MDGA2: variants seen among roughly 807,000 people sequenced by gnomAD.
MDGA2 encodes the protein MAM domain-containing glycosylphosphatidylinositol anchor protein 2.
Under a neutral mutation model 117.8 loss-of-function variants are expected in MDGA2, and 40 were observed. That is an observed-to-expected ratio of 0.34 (90% CI 0.26 to 0.44). The LOEUF (loss-of-function observed/expected upper bound fraction) is 0.44, where lower values mean the gene tolerates loss of function less well. Ranked by LOEUF, MDGA2 falls within the 20% of genes least tolerant of loss-of-function variation. The pLI, the probability that MDGA2 is intolerant of heterozygous loss-of-function variation, is 1.00. For missense variants in MDGA2, 1,123 were observed against 1,250.6 expected (o/e 0.90, Z 1.54); for synonymous variants, 452 against 439.0 (o/e 1.03, Z -0.37).
chr14:47,666,642 A>G (rs1897974487), intron 1 of MDGA2, among the ~76,000 whole-genome samples: 1 of 152,216 alleles, frequency 6.6e-6, no homozygotes, highest in South Asian at 2.1e-4. Context: ...ACAAATCAGC[A>G]GGATGTGGGT....
intron 2 of MDGA2, among the ~76,000 whole-genome samples, chr14:47,250,185 T>C (rs1388156362): frequency 6.6e-6 from 1 of 152,158 alleles, no homozygotes; most frequent in East Asian, 1.9e-4. Flanking sequence ...AACACCAGCA[T>C]GGAGCCATCT....
intron 6 of MDGA2, 70 bp downstream of exon 6, chr14:47,096,784 T>C (rs1360198573): frequency 4.8e-6 from 7 of 1,462,720 alleles, no homozygotes; most frequent in African/African-American, 4.2e-5. Context: ...TAATTTTATA[T>C]CAACCATTAT....
At chr14:47,184,243 TA>T (rs1884825221) in intron 3 of MDGA2, among the ~76,000 whole-genome samples, 1 of 151,982 alleles carries the variant, frequency 6.6e-6, no homozygotes, top group Non-Finnish European at 1.5e-5. Context: ...ATTCCTTAAT[TA>T]AAATGTATTA....
intron 2 of MDGA2, among the ~76,000 whole-genome samples, chr14:47,258,883 C>A (rs938550259): frequency 2.6e-5 from 4 of 151,204 alleles, no homozygotes; most frequent in African/African-American, 9.7e-5. Flanking sequence ...AATTTTAATT[C>A]CTGGAAATTC....
intron 1 of MDGA2, among the ~76,000 whole-genome samples, chr14:47,454,098 T>A (rs1330510966): frequency 1.3e-5 from 2 of 152,206 alleles, no homozygotes; most frequent in African/African-American, 2.4e-5. Flanking sequence ...CTACTAGAAT[T>A]GTGAAAACGG....
chr14:47,482,279 A>G (rs1893969939), intron 1 of MDGA2, among the ~76,000 whole-genome samples: 1 of 152,180 alleles, frequency 6.6e-6, no homozygotes, highest in African/African-American at 2.4e-5. Context: ...TTTCCCTAAT[A>G]TAAAAAAGGT....
At chr14:47,363,072 T>C (rs1405446074) in intron 1 of MDGA2, among the ~76,000 whole-genome samples, 1 of 152,136 alleles carries the variant, frequency 6.6e-6, no homozygotes, top group Admixed American at 6.6e-5. Flanking sequence ...TAGCTGAAGA[T>C]ATTAATGTCT....
intron 10 of MDGA2, among the ~76,000 whole-genome samples, chr14:46,893,572 C>T (rs929438864): frequency 4.6e-5 from 7 of 151,722 alleles, no homozygotes; most frequent in Non-Finnish European, 7.4e-5. Context: ...CGTTAATTTG[C>T]GAGACTGTAG....
chr14:47,227,328 C>T (rs1262658514), intron 2 of MDGA2, among the ~76,000 whole-genome samples: 1 of 152,120 alleles, frequency 6.6e-6, no homozygotes, highest in Non-Finnish European at 1.5e-5. Flanking sequence ...GCCCTGCTCC[C>T]GTGCCTCTAG....
At chr14:47,494,378 A>G (rs1894235635) in intron 1 of MDGA2, among the ~76,000 whole-genome samples, 1 of 152,130 alleles carries the variant, frequency 6.6e-6, no homozygotes, top group African/African-American at 2.4e-5. Context: ...TACTATTTTA[A>G]AATTAAGGCT....
chr14:47,585,869 T>C (rs1160878980), intron 1 of MDGA2, among the ~76,000 whole-genome samples: 1 of 151,850 alleles, frequency 6.6e-6, no homozygotes, highest in Admixed American at 6.6e-5. Context: ...CATTCAATCT[T>C]AGCAAAACAA....
intron 1 of MDGA2, among the ~76,000 whole-genome samples, chr14:47,415,691 A>C (rs2138495650): frequency 6.6e-6 from 1 of 152,296 alleles, no homozygotes; most frequent in African/African-American, 2.4e-5. Context: ...AAATATCCAA[A>C]GATTGGGTTA....
At chr14:47,180,451 C>T (rs929063029) in intron 3 of MDGA2, among the ~76,000 whole-genome samples, 7 of 152,092 alleles carry the variant, frequency 4.6e-5, no homozygotes, top group Non-Finnish European at 8.8e-5. Context: ...AACTATGCGT[C>T]TGACAAAGGT....
At chr14:47,203,458 A>G in intron 3 of MDGA2, among the ~76,000 whole-genome samples, 1 of 152,030 alleles carries the variant, frequency 6.6e-6, no homozygotes, top group East Asian at 1.9e-4. Flanking sequence ...ACAAGAAACT[A>G]GGATCAATGA....
At chr14:47,053,654 T>TACACACACACAC (rs746996959) in intron 7 of MDGA2, among the ~76,000 whole-genome samples, 10 of 67,246 alleles carry the variant, frequency 1.5e-4, no homozygotes, top group South Asian at 4.4e-4. Flanking sequence ...TATATATATA[T>TACACACACACAC]ACACACACAC....
At chr14:47,334,552 C>A (rs1890386511) in intron 1 of MDGA2, among the ~76,000 whole-genome samples, 1 of 151,866 alleles carries the variant, frequency 6.6e-6, no homozygotes, top group Admixed American at 6.6e-5. Flanking sequence ...AAACCACATG[C>A]AGTGAATAAA....
intron 2 of MDGA2, among the ~76,000 whole-genome samples, chr14:47,284,064 C>A (rs1888589880): frequency 6.6e-6 from 1 of 152,126 alleles, no homozygotes; most frequent in South Asian, 2.1e-4. Context: ...CTTAATTTTT[C>A]TAGCCTTAGT....
intron 7 of MDGA2, among the ~76,000 whole-genome samples, chr14:47,040,097 C>T (rs1243990217): frequency 6.6e-6 from 1 of 151,980 alleles, no homozygotes; most frequent in African/African-American, 2.4e-5. Context: ...GAAGGGTAGG[C>T]TATACATGCT....
intron 2 of MDGA2, among the ~76,000 whole-genome samples, chr14:47,248,357 T>A: frequency 6.6e-6 from 1 of 151,642 alleles, no homozygotes; most frequent in East Asian, 1.9e-4. Flanking sequence ...TTCCACATCT[T>A]ATATAAGCCT....
Sources: gnomAD v4.1 joint callset for allele counts (sites outside exome capture counted in the v4.1 genomes callset) on GRCh38, gnomAD v4.1.1 for gene constraint, MANE v1.5 for transcripts, NCBI Gene and HGNC (gene_info 2026-07-23, HGNC 2026-07-21) for gene names.